Variants in MPRIP observed in about 807,000 individuals in gnomAD.
MPRIP encodes myosin phosphatase Rho-interacting protein.
A neutral mutation model predicts 234.9 loss-of-function variants in MPRIP; 59 were observed. The observed-to-expected ratio is 0.25, with a 90% CI of 0.20 to 0.31. MPRIP has a LOEUF of 0.31. Among genes scored for constraint, MPRIP ranks in the 10% least tolerant of loss-of-function variants. MPRIP has a pLI of 1.00. For missense variants in MPRIP, 2,436 were observed against 3,071.0 expected, an observed-to-expected ratio of 0.79 and a Z score of 4.89; for synonymous variants, 1,144 against 1,263.9, an observed-to-expected ratio of 0.91 and a Z score of 2.01.
intron 16 of MPRIP, chr17:17,171,389 T>C (rs991156319): frequency 8.1e-6 from 2 of 246,758 alleles, no homozygotes; most frequent in Admixed American, 5.1e-5. Context: ...CGCAGGAAGG[T>C]CCAGGGTTGG....
intron 13 of MPRIP, among the ~76,000 whole-genome samples, chr17:17,155,730 G>A (rs930169848): frequency 2.0e-5 from 3 of 152,240 alleles, no homozygotes; most frequent in African/African-American, 7.2e-5. Context: ...ACCGGGACAG[G>A]TTGCCCTCTG....
chr17:17,052,584 T>TTA (rs1226192804), intron 1 of MPRIP, among the ~76,000 whole-genome samples: 1 of 152,200 alleles, frequency 6.6e-6, no homozygotes, highest in Non-Finnish European at 1.5e-5. Flanking sequence ...TTGTCTCTAA[T>TTA]AAGTGTTAAC....
chr17:17,150,005 G>GAT (rs1465970936), intron 11 of MPRIP, 139 bp from the exon 12 acceptor site: 1 of 671,956 alleles, frequency 1.5e-6, no homozygotes, highest in East Asian at 2.6e-5. Flanking sequence ...GCAGTAGTAG[G>GAT]ATAGACGGTG....
chr17:17,161,781 A>G (rs1306381704), intron 15 of MPRIP, among the ~76,000 whole-genome samples: 2 of 152,166 alleles, frequency 1.3e-5, no homozygotes, highest in Non-Finnish European at 2.9e-5. Context: ...CCTGCTTACA[A>G]CCAACAGCAA....
intron 3 of MPRIP, among the ~76,000 whole-genome samples, chr17:17,118,973 C>T (rs1035200074): frequency 2.6e-5 from 4 of 152,068 alleles, no homozygotes; most frequent in Non-Finnish European, 2.9e-5. Flanking sequence ...TTTGTTAGAT[C>T]GGGCTCCTAG....
chr17:17,104,587 G>T (rs937641469), intron 3 of MPRIP, among the ~76,000 whole-genome samples: 1 of 152,108 alleles, frequency 6.6e-6, no homozygotes, highest in Non-Finnish European at 1.5e-5. Flanking sequence ...CCTTCCTTTT[G>T]TCCCTGTCAC....
intron 3 of MPRIP, among the ~76,000 whole-genome samples, chr17:17,095,878 C>T (rs909740022): frequency 2.6e-5 from 4 of 152,216 alleles, no homozygotes; most frequent in African/African-American, 9.7e-5. Context: ...CAGGAAGCTT[C>T]TTCCATGCCA....
At chr17:17,104,783 C>T (rs1405020120) in intron 3 of MPRIP, among the ~76,000 whole-genome samples, 1 of 152,216 alleles carries the variant, frequency 6.6e-6, no homozygotes, top group African/African-American at 2.4e-5. Context: ...TCCAGTCTCC[C>T]TTCCATCTTT....
intron 23 of MPRIP, chr17:17,181,585 A>G (rs1468890790): frequency 6.6e-6 from 1 of 152,270 alleles, no homozygotes; most frequent in Non-Finnish European, 1.5e-5. Context: ...CGTTTTGTTT[A>G]GCAAAAGGAA....
At position 17,166,145 on chromosome 17, in the gene MPRIP, C is replaced by T. The variant is rs1336280125; in HGVS notation, c.4554C>T (p.Ala1518=). The T allele has an allele frequency of 7.7e-7, 1 of 1,302,120 alleles. No homozygotes were observed. The highest frequency in any genetic ancestry group is 1.0e-6 in the Non-Finnish European group (1 of 987,724). The allele number at this position is 1,302,120 out of a possible 1,614,324, so 80.7% of individuals were successfully genotyped here. A position where few individuals can be genotyped will look rare whatever the true frequency, so the allele number is the denominator to read the frequency against. ...VESALVSAIQ[A]LQHWPAPAHG... ...GTGCACTCGTCAGCGCCATCCAAGC[C>T]CTGCAGCACTGGCCGGCCCCAGCCC... Residue 1518 remains alanine, a synonymous_variant, in exon 16 of 24, where the codon GCC becomes GCT. Coordinates refer to ENST00000651222, the MANE Select transcript of MPRIP (RefSeq NM_001364716.4). The surrounding 1 kb of genome is among the most constrained non-coding windows in gnomAD (Gnocchi z 4.4).
rs2088208624 is a variant in MPRIP, at chr17:17,042,706, C to T, written c.-143C>T. 1.1e-6 allele frequency: 1 copy of T among 914,232 alleles called. No individual in the cohort carries two copies. Among genetic ancestry groups the T allele is most frequent in the African/African-American group, 1.8e-5 (1 of 55,002 alleles). 56.6% of individuals were successfully genotyped at this position (914,232 alleles called of 1,614,324 possible). A position where few individuals can be genotyped will look rare whatever the true frequency, so the allele number is the denominator to read the frequency against. On this transcript the variant is annotated 5_prime_UTR_variant, in exon 1 of 24. Coordinates refer to ENST00000651222, the MANE Select transcript of MPRIP (RefSeq NM_001364716.4). ...AGCCTCGGCGCGTGCAGCGAACCGC[C>T]CGCCGGGAAGGAGGCCGGGCCGGGC... is the stretch of plus-strand genomic sequence containing the variant.
At chr17:17,048,806 G>A (rs80242407) in intron 1 of MPRIP, among the ~76,000 whole-genome samples, 1,763 of 152,308 alleles carry the variant, frequency 0.012, 41 homozygotes, top group African/African-American at 0.041. Flanking sequence ...AACCTACCAC[G>A]TGAGCCAGCA....
At chr17:17,147,259 G>A (rs3744134) in intron 10 of MPRIP, 60 bp from the exon 11 acceptor site, 951,890 of 1,528,832 alleles carry the variant, frequency 0.62, 306,777 homozygotes, top group East Asian at 0.66. Flanking sequence ...CCGCCGTGGC[G>A]TGGCAGGCAT....
chr17:17,155,895 C>T (rs1395787369), intron 13 of MPRIP, among the ~76,000 whole-genome samples: 1 of 152,228 alleles, frequency 6.6e-6, no homozygotes, highest in East Asian at 1.9e-4. Context: ...CATGGCTCTC[C>T]CATCAGGAGC....
At chr17:17,157,785 G>A (rs1470317687) in intron 13 of MPRIP, among the ~76,000 whole-genome samples, 1 of 150,650 alleles carries the variant, frequency 6.6e-6, no homozygotes, top group Admixed American at 6.6e-5. Flanking sequence ...CCGAGATCGC[G>A]CCATTGCACT....
chr17:17,181,525 G>A (rs1443131189), intron 23 of MPRIP: 1 of 152,186 alleles, frequency 6.6e-6, no homozygotes, highest in East Asian at 1.9e-4. Flanking sequence ...ACCCAAATAT[G>A]GTTTAGGCTT....
At chr17:17,095,683 C>A (rs1371049722) in intron 3 of MPRIP, among the ~76,000 whole-genome samples, 2 of 152,112 alleles carry the variant, frequency 1.3e-5, no homozygotes, top group African/African-American at 2.4e-5. Flanking sequence ...GGCAACCCTC[C>A]GTGCTGGTCA....
At chr17:17,129,124 T>A (rs1216640904) in intron 4 of MPRIP, among the ~76,000 whole-genome samples, 1 of 152,144 alleles carries the variant, frequency 6.6e-6, no homozygotes, top group Non-Finnish European at 1.5e-5. Context: ...GTAGAGGAAG[T>A]TGGCAGCTCT....
chr17:17,141,529 C>G lies in MPRIP; in HGVS notation c.1251-1098C>G, dbSNP rs1181353515. On this transcript the variant is annotated intron_variant, in intron 7 of 23. Coordinates refer to ENST00000651222, the MANE Select transcript of MPRIP (RefSeq NM_001364716.4). ...CTAAGCGCAGGGAGGAAGCAGAGCC[C>G]GGGGCCCTCGCCCTCCTCTCTCCGG... The G allele has an allele frequency of 2.0e-5, 3 of 152,328 alleles. No homozygotes were observed. In the East Asian group the frequency reaches 5.8e-4, roughly 29 times the overall value. The allele number at this position is 152,328 out of a possible 1,614,324, so 9.4% of individuals were successfully genotyped here.
Sources: allele counts gnomAD v4.1 joint callset (sites outside exome capture counted in the v4.1 genomes callset), GRCh38; gene constraint gnomAD v4.1.1; non-coding constraint Gnocchi (gnomAD v3.1); transcripts MANE v1.5; gene names NCBI Gene and HGNC (gene_info 2026-07-23, HGNC 2026-07-21).